The following COL4A2 variants were observed in gnomAD, a reference collection of about 807,000 sequenced individuals.
COL4A2 encodes collagen type IV alpha 2 chain, also known as collagen alpha-2(IV) chain.
Under a neutral mutation model 200.2 loss-of-function variants are expected in COL4A2, and 99 were observed. The ratio of observed to expected loss-of-function variants is 0.49; its 90% CI spans 0.42 to 0.58. The LOEUF (loss-of-function observed/expected upper bound fraction) is 0.58, where lower values mean the gene tolerates loss of function less well. Ranked by LOEUF, COL4A2 falls within the 20% of genes least tolerant of loss-of-function variation. The pLI is 0.00. For missense variants in COL4A2, 1,950 were observed against 2,314.1 expected (o/e 0.84, Z 3.23); for synonymous variants, 897 against 900.6 (o/e 1.00, Z 0.07).
chr13:110,362,655 T>A (rs184906985), intron 4 of COL4A2, among the ~76,000 whole-genome samples: 2 of 152,256 alleles, frequency 1.3e-5, no homozygotes, highest in East Asian at 3.9e-4. Context: ...TTTCTTTCTT[T>A]ATACACCATG....
intron 4 of COL4A2, among the ~76,000 whole-genome samples, chr13:110,417,072 C>CAA (rs1880070004): frequency 1.3e-5 from 2 of 152,048 alleles, no homozygotes; most frequent in African/African-American, 4.8e-5. Context: ...GCTCCGCCTC[C>CAA]TGGGTTCACG....
At chr13:110,468,351 A>G (rs1338484565) in intron 27 of COL4A2, 1 of 470,792 alleles carries the variant, frequency 2.1e-6, no homozygotes, top group Non-Finnish European at 4.4e-6. Context: ...CAACACCGTC[A>G]CTCATACAGC....
intron 29 of COL4A2, among the ~76,000 whole-genome samples, chr13:110,475,321 G>A (rs1882668001): frequency 6.6e-6 from 1 of 152,212 alleles, no homozygotes; most frequent in Non-Finnish European, 1.5e-5. Flanking sequence ...TTCCTGGAAG[G>A]CACTTAAATG....
chr13:110,465,662 C>T, intron 25 of COL4A2, 56 bp downstream of exon 25: 1 of 1,452,018 alleles, frequency 6.9e-7, no homozygotes, highest in Non-Finnish European at 9.4e-7. Context: ...CCACGCTTTC[C>T]TTTGTCAGTG....
intron 4 of COL4A2, among the ~76,000 whole-genome samples, chr13:110,418,125 C>T (rs1022725331): frequency 1.3e-5 from 2 of 152,142 alleles, no homozygotes; most frequent in Admixed American, 6.5e-5. Flanking sequence ...ATTTGCTTTT[C>T]CCTAATGACC....
intron 4 of COL4A2, among the ~76,000 whole-genome samples, chr13:110,393,918 G>T (rs999521672): frequency 6.6e-6 from 1 of 152,136 alleles, no homozygotes; most frequent in Non-Finnish European, 1.5e-5. Context: ...TACAATGAGG[G>T]TCAAAGTATC....
In COL4A2 at chr13:110,407,793, C is replaced by CG. The variant is rs912033086; in HGVS notation, c.181-16936dup. ...GTGCCCTCCCAGTGCAGTGTGAGGA[C>CG]GGGGGACAGCAGTGTCTCCCCCATT... On this transcript the variant is annotated intron_variant, in intron 4 of 47. Transcript: ENST00000360467. Among the ~76,000 whole-genome samples, 52 of 152,248 alleles carry CG rather than the reference C, an allele frequency of 3.4e-4. 1 individual carries two copies. Among genetic ancestry groups the CG allele is most frequent in the African/African-American group, 1.3e-3 (52 of 41,550 alleles).
At position 110,472,957 on chromosome 13, in the gene COL4A2, T is replaced by G; in HGVS notation, c.2232T>G (p.Gly744=). Residue 744 remains glycine, a synonymous_variant, in exon 29 of 48, where the codon GGT becomes GGG. Transcript: ENST00000360467. ...PGFIGPRGSK[G]AVGLPGPDGS... The stretch of plus-strand genomic sequence containing the variant: ...TCATAGGACCCCGAGGATCCAAAGG[T>G]GCAGTGGGCCTCCCTGGCCCAGATG... 6.4e-7 allele frequency: 1 copy of G among 1,556,688 alleles called. No individual in the cohort carries two copies. The highest frequency in any genetic ancestry group is 8.7e-7 in the Non-Finnish European group (1 of 1,150,254).
intron 29 of COL4A2, among the ~76,000 whole-genome samples, chr13:110,477,215 T>C (rs1882736699): frequency 6.6e-6 from 1 of 152,032 alleles, no homozygotes; most frequent in African/African-American, 2.4e-5. Context: ...AGAAAAGATA[T>C]GAGCAAAGAA....
chr13:110,326,483 GT>G (rs1485503839), intron 3 of COL4A2, among the ~76,000 whole-genome samples: 1 of 152,148 alleles, frequency 6.6e-6, no homozygotes, highest in Non-Finnish European at 1.5e-5. Flanking sequence ...TGCCCAAAGT[GT>G]TTCAATACAG....
chr13:110,322,402 G>A (rs552504382), intron 3 of COL4A2, among the ~76,000 whole-genome samples: 28 of 152,348 alleles, frequency 1.8e-4, no homozygotes, highest in Non-Finnish European at 3.5e-4. Flanking sequence ...TGGGAAGCCA[G>A]TGAGCGAGGT....
intron 40 of COL4A2, among the ~76,000 whole-genome samples, chr13:110,497,963 G>A (rs1221811627): frequency 7.5e-6 from 1 of 132,688 alleles, no homozygotes; most frequent in Non-Finnish European, 1.6e-5. Context: ...AGTCAGGGGT[G>A]AGGATCTGGG....
intron 4 of COL4A2, among the ~76,000 whole-genome samples, chr13:110,408,806 TATATATACAC>T (rs1566516975): frequency 1.2e-3 from 15 of 12,854 alleles, no homozygotes; most frequent in Middle Eastern, 0.023. Context: ...CACGCACACA[TATATATACAC>T]ACACACATGC....
chr13:110,310,689 G>T (rs1407567617), intron 3 of COL4A2, among the ~76,000 whole-genome samples: 1 of 151,660 alleles, frequency 6.6e-6, no homozygotes. Flanking sequence ...TCCTGCGTAG[G>T]TCAGTTCAGG....
intron 29 of COL4A2, 141 bp from the exon 30 acceptor site, chr13:110,477,862 C>T (rs1882755622): frequency 2.4e-6 from 2 of 823,610 alleles, no homozygotes; most frequent in Non-Finnish European, 3.4e-6. Flanking sequence ...ATCCTTTATA[C>T]TTCTTTGTGT....
chr13:110,330,877 C>A (rs7327835), intron 3 of COL4A2, among the ~76,000 whole-genome samples: 84 of 152,242 alleles, frequency 5.5e-4, no homozygotes, highest in African/African-American at 1.9e-3. Context: ...AGTGGTTCCT[C>A]TCTAAATGGT....
At position 110,489,703 on chromosome 13, in the gene COL4A2, T is replaced by C. The variant is rs1271779870; in HGVS notation, c.3272-8T>C. 4.3e-6 allele frequency: 7 copies of C among 1,614,234 alleles called. No individual in the cohort carries two copies. The highest frequency in any genetic ancestry group is 2.7e-5 in the African/African-American group (2 of 75,060). ...CCTGTTCTTAGCCGTCTTTTTTGCA[T>C]GTAACAGGTGACATCGGGGACACTA... is the stretch of plus-strand genomic sequence containing the variant. On this transcript the variant is annotated splice_region_variant and splice_polypyrimidine_tract_variant and intron_variant, in intron 35 of 47. Transcript: ENST00000360467.
chr13:110,434,701 C>T (rs1880807760), intron 12 of COL4A2, among the ~76,000 whole-genome samples: 1 of 152,190 alleles, frequency 6.6e-6, no homozygotes, highest in South Asian at 2.1e-4. Flanking sequence ...AAGCTCAGCT[C>T]ATCTTCAGAA....
intron 24 of COL4A2, among the ~76,000 whole-genome samples, chr13:110,465,193 C>T (rs1050321419): frequency 1.3e-5 from 2 of 152,246 alleles, no homozygotes; most frequent in South Asian, 2.1e-4. Context: ...CTTCCAGAAC[C>T]GGCTTCCGTG....
Sources: allele counts gnomAD v4.1 joint callset (sites outside exome capture counted in the v4.1 genomes callset), GRCh38; gene constraint gnomAD v4.1.1; transcripts MANE v1.5; gene names NCBI Gene and HGNC (gene_info 2026-07-23, HGNC 2026-07-21).